ZNF214: variants seen among roughly 807,000 people sequenced by gnomAD.
The protein encoded by ZNF214 is BWSCR2-associated zinc finger protein 1.
ZNF214 carries 43 observed loss-of-function variants against 53.9 expected under a neutral mutation model. The observed-to-expected ratio is 0.80, with a 90% confidence interval of 0.63 to 1.03. The LOEUF is 1.03. ZNF214 is among the 50% of genes least tolerant of loss of function. The pLI, the probability that ZNF214 is intolerant of heterozygous loss-of-function variation, is 0.00. For missense variants in ZNF214, 724 were observed against 719.1 expected (o/e 1.01, Z -0.08); for synonymous variants, 217 against 229.5 (o/e 0.95, Z 0.49).
In ZNF214 at chr11:7,000,943, C is replaced by T. The variant is rs2133381070; in HGVS notation, c.740G>A (p.Cys247Tyr). The change falls in exon 3 of 3, where the codon TGT (cysteine) becomes TAT (tyrosine). Residue 247 changes from cysteine to tyrosine, a missense_variant. Coordinates refer to ENST00000278314, the MANE Select transcript of ZNF214 (RefSeq NM_013249.4). ...GCATGCTTTACAGATGGAGCATTGA[C>T]AGAGGTTTTCTCCAGGTTGATTTCT... is the stretch of plus-strand genomic sequence containing the variant. ...HKRNQPGENLCQCSICKACFS... is the reference protein window; with the variant it reads ...HKRNQPGENLYQCSICKACFS... The T allele has an allele frequency of 6.2e-6, 10 of 1,613,026 alleles. No individual in the cohort carries two copies. The highest frequency in any genetic ancestry group is 8.5e-6 in the Non-Finnish European group (10 of 1,179,562).
chr11:7,014,707 C>G (rs573159989), intron 1 of ZNF214, among the ~76,000 whole-genome samples: 1 of 151,222 alleles, frequency 6.6e-6, no homozygotes, highest in Admixed American at 6.6e-5. Flanking sequence ...TGGCTCACAC[C>G]TATAATCCCA....
chr11:7,004,904 GATA>G (rs1851439112), intron 1 of ZNF214, among the ~76,000 whole-genome samples: 1 of 152,138 alleles, frequency 6.6e-6, no homozygotes, highest in Admixed American at 6.5e-5. Context: ...AACTGGGTGA[GATA>G]ATGTTTGCTG....
At chr11:7,012,761 C>T (rs1001836387) in intron 1 of ZNF214, among the ~76,000 whole-genome samples, 1 of 152,172 alleles carries the variant, frequency 6.6e-6, no homozygotes, top group Non-Finnish European at 1.5e-5. Context: ...CTCTTCAAGA[C>T]GTCAGAAATA....
intron 1 of ZNF214, among the ~76,000 whole-genome samples, chr11:7,013,132 G>C (rs1851646684): frequency 6.6e-6 from 1 of 152,110 alleles, no homozygotes; most frequent in South Asian, 2.1e-4. Flanking sequence ...GGTGCAAGTT[G>C]CCCAAAAGAA....
chr11:7,010,168 T>C (rs1045332011), intron 1 of ZNF214, among the ~76,000 whole-genome samples: 1 of 152,038 alleles, frequency 6.6e-6, no homozygotes, highest in Admixed American at 6.6e-5. Context: ...GGAATCAACC[T>C]AAATGCCCAT....
rs1415580035 is a variant in ZNF214, at chr11:7,012,827, CAT to C, written c.-21+7244_-21+7245del. 4.6e-5 allele frequency among the ~76,000 whole-genome samples: 7 copies of C among 152,252 alleles called. No homozygotes were observed. In the East Asian group the frequency reaches 1.3e-3, roughly 29 times the overall value. On this transcript the variant is annotated intron_variant, in intron 1 of 2. Transcript: ENST00000278314. ...AGCACTTGAATTCATAATCTACTAC[CAT>C]ATCACTAATTACTTCAACATTTAGT...
Position 6,998,242 on chromosome 11 carries a change from C to G in ZNF214, c.*1620G>C, listed in dbSNP as rs1157553405. ...GGTTTTGCAGATAACCAGAATTTTTCTTTCTGCATGCTTTTAATTGCTTCT... is the reference window on the plus strand; with the variant it reads ...GGTTTTGCAGATAACCAGAATTTTTGTTTCTGCATGCTTTTAATTGCTTCT... On this transcript the variant is annotated 3_prime_UTR_variant, in exon 3 of 3. Transcript: ENST00000278314. Among the ~76,000 whole-genome samples, 5 of 151,860 alleles carry G rather than the reference C, an allele frequency of 3.3e-5. No individual in the cohort carries two copies. The highest frequency in any genetic ancestry group is 6.6e-5 in the Admixed American group (1 of 15,212).
chr11:7,000,946 AG>A lies in ZNF214; in HGVS notation c.736del (p.Leu246SerfsTer25). On this transcript the variant is annotated frameshift_variant, in exon 3 of 3. Coordinates refer to ENST00000278314, the MANE Select transcript of ZNF214 (RefSeq NM_013249.4). LOFTEE classifies it high-confidence loss of function. ...FHKRNQPGENLCQCSICKACF... is the reference protein window; with the variant it reads ...FHKRNQPGENXCQCSICKACF... The stretch of plus-strand genomic sequence containing the variant: ...TGCTTTACAGATGGAGCATTGACAG[AG>A]GTTTTCTCCAGGTTGATTTCTCTTG... 1 of 1,613,046 alleles carries A rather than the reference AG, an allele frequency of 6.2e-7. No individual in the cohort carries two copies. Among genetic ancestry groups the A allele is most frequent in the Non-Finnish European group, 8.5e-7 (1 of 1,179,554 alleles).
chr11:7,008,748 G>A (rs1422266726), intron 1 of ZNF214, among the ~76,000 whole-genome samples: 7 of 151,994 alleles, frequency 4.6e-5, no homozygotes, highest in African/African-American at 1.4e-4. Context: ...TTCAGGATAC[G>A]AAACCAATAT....
At position 7,020,154 on chromosome 11, in the gene ZNF214, C is replaced by A. The variant is rs186170683; in HGVS notation, c.-102G>T. On this transcript the variant is annotated 5_prime_UTR_variant, in exon 1 of 3. Transcript: ENST00000278314. ...CTCTGGGGTTTCTAAACCGGAGTAGCTTCTCAGTCCCTGACCCTCGATTTT... is the reference window on the plus strand; with the variant it reads ...CTCTGGGGTTTCTAAACCGGAGTAGATTCTCAGTCCCTGACCCTCGATTTT... 3 of 152,678 alleles carry A rather than the reference C, an allele frequency of 2.0e-5. No homozygotes were observed. Among genetic ancestry groups the A allele is most frequent in the African/African-American group, 7.2e-5 (3 of 41,556 alleles). The allele number at this position is 152,678 out of a possible 1,614,324, so 9.5% of individuals were successfully genotyped here.
chr11:7,013,699 C>T (rs1851671800), intron 1 of ZNF214, among the ~76,000 whole-genome samples: 1 of 152,116 alleles, frequency 6.6e-6, no homozygotes, highest in Non-Finnish European at 1.5e-5. Context: ...CCTTTGACTC[C>T]GCCGGACTTT....
rs2133372639 is a variant in ZNF214, at chr11:6,998,147, A to C, written c.*1715T>G. 6.6e-6 allele frequency among the ~76,000 whole-genome samples: 1 copy of C among 152,020 alleles called. No homozygotes were observed. The highest frequency in any genetic ancestry group is 1.9e-4 in the East Asian group (1 of 5,172). The stretch of plus-strand genomic sequence containing the variant: ...TGATAATAAACTTTTCAAATCTCAA[A>C]ATTCTGAACGTGCTGCTCCATTGCC... On this transcript the variant is annotated 3_prime_UTR_variant, in exon 3 of 3. Transcript: ENST00000278314.
At chr11:7,018,562 T>C (rs1271126233) in intron 1 of ZNF214, among the ~76,000 whole-genome samples, 5 of 137,200 alleles carry the variant, frequency 3.6e-5, no homozygotes, top group Non-Finnish European at 7.7e-5. Context: ...AGTGCAGTGG[T>C]GCCATCCTGG....
chr11:7,016,320 G>A (rs1809853736), intron 1 of ZNF214, among the ~76,000 whole-genome samples: 1 of 152,150 alleles, frequency 6.6e-6, no homozygotes, highest in Non-Finnish European at 1.5e-5. Flanking sequence ...ATAAGCTTAG[G>A]TAGTGGATGT....
At chr11:7,001,586 A>T in intron 2 of ZNF214, 31 bp from the exon 3 acceptor site, 12 of 1,546,124 alleles carry the variant, frequency 7.8e-6, no homozygotes, top group East Asian at 2.3e-5. Context: ...TCCCATGGTG[A>T]GATAAAAGCT....
At chr11:7,015,083 A>T (rs1851728739) in intron 1 of ZNF214, among the ~76,000 whole-genome samples, 1 of 136,140 alleles carries the variant, frequency 7.3e-6, no homozygotes, top group South Asian at 2.4e-4. Context: ...ATAAATAATA[A>T]TTAGAATTTT....
chr11:7,005,302 A>T (rs1227499055), intron 1 of ZNF214, among the ~76,000 whole-genome samples: 2 of 152,066 alleles, frequency 1.3e-5, no homozygotes, highest in Non-Finnish European at 2.9e-5. Context: ...CCAGTGGAGC[A>T]ATAAAAGCAA....
rs1052973621 is a variant in ZNF214, at chr11:6,998,716, T to C, written c.*1146A>G. Among the ~76,000 whole-genome samples the C allele has an allele frequency of 6.6e-6, 1 of 151,928 alleles. No individual in the cohort carries two copies. The highest frequency in any genetic ancestry group is 1.5e-5 in the Non-Finnish European group (1 of 67,900). On this transcript the variant is annotated 3_prime_UTR_variant, in exon 3 of 3. Coordinates refer to ENST00000278314, the MANE Select transcript of ZNF214 (RefSeq NM_013249.4). ...TGTTATGCCACTAAGGACACCAACA[T>C]TTCTGGAAATTTCCTCTGAAGCCTG...
At position 7,010,348 on chromosome 11, in the gene ZNF214, T is replaced by C. The variant is rs1157756150; in HGVS notation, c.-20-7493A>G. On this transcript the variant is annotated intron_variant, in intron 1 of 2. Coordinates refer to ENST00000278314, the MANE Select transcript of ZNF214 (RefSeq NM_013249.4). ...AAAACCAAATACTGCACGTTCTCAA[T>C]TATATTTTCGAGCTAAATATTGAGA... Among the ~76,000 whole-genome samples the C allele has an allele frequency of 1.4e-4, 22 of 152,036 alleles. 2 individuals carry two copies. The highest frequency in any genetic ancestry group is 1.4e-3 in the Admixed American group (21 of 15,242).
Sources: allele counts gnomAD v4.1 joint callset (sites outside exome capture counted in the v4.1 genomes callset), GRCh38; gene constraint gnomAD v4.1.1; transcripts MANE v1.5; gene names NCBI Gene and HGNC (gene_info 2026-07-23, HGNC 2026-07-21).